SLC12A7: variants seen among roughly 807,000 people sequenced by gnomAD.
The protein encoded by SLC12A7 is K-Cl cotransporter 4.
In SLC12A7, 100 loss-of-function variants were observed where a neutral mutation model predicts 120.6. The ratio of observed to expected loss-of-function variants is 0.83; its 90% confidence interval spans 0.71 to 0.98. SLC12A7 has a LOEUF of 0.98. SLC12A7 is among the 50% of genes least tolerant of loss of function. The pLI is 0.00. For synonymous variants in SLC12A7, 760 were observed against 678.0 expected (o/e 1.12, Z -1.88); for missense variants, 1,373 against 1,548.1 (o/e 0.89, Z 1.90).
chr5:1,148,553 C>T, the SLC12A7 span, among the ~76,000 whole-genome samples: 1 of 152,198 alleles, frequency 6.6e-6, no homozygotes, highest in Admixed American at 6.5e-5. Flanking sequence ...CATGTACTAT[C>T]AAAATGTTAT....
At chr5:1,061,937 C>CT (rs1425835111) in intron 20 of SLC12A7, among the ~76,000 whole-genome samples, 1 of 152,116 alleles carries the variant, frequency 6.6e-6, no homozygotes, top group South Asian at 2.1e-4. Flanking sequence ...TGTCTCAAAA[C>CT]TTTTTTTAAA....
chr5:1,112,757 GCC>G (rs1743138641), upstream of SLC12A7, among the ~76,000 whole-genome samples: 1 of 144,226 alleles, frequency 6.9e-6, no homozygotes, highest in African/African-American at 2.6e-5. Flanking sequence ...CTCCTGGCTA[GCC>G]CAACCTGGCT....
rs776850305 is a variant in SLC12A7, at chr5:1,065,401, G to A, written c.2319C>T (p.Gly773=). 119 of 1,612,518 alleles carry A rather than the reference G, an allele frequency of 7.4e-5. 2 individuals carry two copies. In the Admixed American group the frequency reaches 1.9e-3, roughly 25 times the overall value. Residue 773 remains glycine, a synonymous_variant, in exon 18 of 24, where the codon GGC becomes GGT. Coordinates refer to ENST00000264930, the MANE Select transcript of SLC12A7 (RefSeq NM_006598.3). ...CGGCCGACTGGATCAGGTGGGACAT[G>A]CCATCCCGCAGGCTGGACGAGACCA... ...QLVVSSSLRD[G]MSHLIQSAGL... is the part of the protein sequence containing the mutation.
At chr5:1,058,881 G>T (rs1207181580) in intron 21 of SLC12A7, among the ~76,000 whole-genome samples, 1 of 35,846 alleles carries the variant, frequency 2.8e-5, no homozygotes, top group Non-Finnish European at 8.9e-5. Flanking sequence ...CTGCACAGCA[G>T]CTCATCCAAA....
intron 16 of SLC12A7, among the ~76,000 whole-genome samples, 169 bp from the exon 17 acceptor site, chr5:1,073,970 C>G (rs372457562): frequency 6.6e-6 from 1 of 152,018 alleles, no homozygotes; most frequent in African/African-American, 2.4e-5. Flanking sequence ...GATGGGGAAA[C>G]GTGACACACG....
At chr5:1,112,177 A>C (rs1207986218), upstream of SLC12A7, 259 of 624,046 alleles carry the variant, frequency 4.2e-4, 5 homozygotes, top group East Asian at 0.01. Context: ...TCCTGCAGGG[A>C]CCCCAACCCA....
rs115702923 is a variant in SLC12A7, at chr5:1,068,780, C to T, written c.2242-3302G>A. ...CCGTTAACGTGAGAGTATAAGTGAG[C>T]GCAGCTCTTCCCATGGCCGTGAAGA... On this transcript the variant is annotated intron_variant, in intron 17 of 23. Coordinates refer to ENST00000264930, the MANE Select transcript of SLC12A7 (RefSeq NM_006598.3). Among the ~76,000 whole-genome samples the T allele has an allele frequency of 6.0e-3, 920 of 152,360 alleles. 10 individuals carry two copies. Among genetic ancestry groups the T allele is most frequent in the African/African-American group, 0.021 (863 of 41,586 alleles).
In SLC12A7 at chr5:1,064,121, T is replaced by C. The variant is rs772093101; in HGVS notation, c.2569A>G (p.Met857Val). 6.2e-7 allele frequency: 1 copy of C among 1,610,212 alleles called. No homozygotes were observed. The highest frequency in any genetic ancestry group is 8.5e-7 in the Non-Finnish European group (1 of 1,178,372). The change falls in exon 19 of 24, where the codon ATG becomes GTG. Residue 857 changes from methionine to valine, a missense_variant. Met to Val is a conservative substitution (Grantham distance 21). Transcript: ENST00000264930. ...DVWWIVHDGG[M>V]LMLLPFLLRQ... ...AGCAGGAAGGGCAGCAGCATGAGCA[T>C]GCCGCCGTCGTGCACGATCCACCAC...
chr5:1,060,483 G>C (rs746241806), intron 20 of SLC12A7, 32 bp from the exon 21 acceptor site: 6 of 1,531,398 alleles, frequency 3.9e-6, no homozygotes, highest in Non-Finnish European at 4.5e-6. Context: ...AGTAAGCCCG[G>C]TGTGCACAGA....
rs1271266859 is a variant in SLC12A7, at chr5:1,057,465, A to T, written c.3026+6T>A. On this transcript the variant is annotated splice_donor_region_variant and intron_variant, in intron 22 of 23. Coordinates refer to ENST00000264930, the MANE Select transcript of SLC12A7 (RefSeq NM_006598.3). ...TTCCCCCCAGGCCACACGCACGGAC[A>T]CTCACGGCTTCATGCTGAAGAGGTC... The T allele has an allele frequency of 6.2e-7, 1 of 1,607,106 alleles. No homozygotes were observed. Among genetic ancestry groups the T allele is most frequent in the South Asian group, 1.1e-5 (1 of 90,402 alleles).
intron 10 of SLC12A7, 88 bp from the exon 11 acceptor site, chr5:1,078,846 G>GGGGGGGGGGGGGGGC: frequency 2.4e-6 from 1 of 415,106 alleles, no homozygotes; most frequent in Non-Finnish European, 4.9e-6. Flanking sequence ...GGTGGGTGGG[G>GGGGGGGGGGGGGGGC]AGATGCACTG....
chr5:1,133,629 G>C, the SLC12A7 span, among the ~76,000 whole-genome samples: 1 of 152,208 alleles, frequency 6.6e-6, no homozygotes, highest in Non-Finnish European at 1.5e-5. Context: ...TTGCTGGCCG[G>C]CATGCTTGCT....
At chr5:1,154,390 C>CACACACAG in the SLC12A7 span, among the ~76,000 whole-genome samples, 16 of 151,278 alleles carry the variant, frequency 1.1e-4, no homozygotes, top group African/African-American at 2.4e-4. Context: ...CACACACACA[C>CACACACAG]AGAGACACAT....
chr5:1,086,838 G>A (rs112213689), intron 6 of SLC12A7, 65 bp downstream of exon 6: 1 of 1,586,438 alleles, frequency 6.3e-7, no homozygotes, highest in Non-Finnish European at 8.6e-7. Context: ...AGTGGGTCAG[G>A]CAGGGCCCCT....
chr5:1,131,700 C>A, the SLC12A7 span, among the ~76,000 whole-genome samples: 1 of 152,336 alleles, frequency 6.6e-6, no homozygotes, highest in East Asian at 1.9e-4. Context: ...TCAGGCCAAT[C>A]CCCAGAGCCT....
At chr5:1,085,535 C>T in intron 6 of SLC12A7, 62 bp from the exon 7 acceptor site, 1 of 1,503,018 alleles carries the variant, frequency 6.7e-7, no homozygotes, top group Admixed American at 2.0e-5. Flanking sequence ...GCCCGTCCCT[C>T]CCGCAAGCCC....
intron 1 of SLC12A7, among the ~76,000 whole-genome samples, chr5:1,106,587 T>TG (rs949606036): frequency 2.0e-5 from 3 of 151,978 alleles, no homozygotes; most frequent in African/African-American, 4.8e-5. Flanking sequence ...CCTTCACAGC[T>TG]GGGGGGTCAC....
the SLC12A7 span, among the ~76,000 whole-genome samples, chr5:1,131,089 T>C: frequency 6.6e-6 from 1 of 151,960 alleles, no homozygotes; most frequent in Non-Finnish European, 1.5e-5. Context: ...GGAGGCCTAA[T>C]CAAAGCAAAA....
At chr5:1,142,227 G>A in the SLC12A7 span, among the ~76,000 whole-genome samples, 1 of 148,654 alleles carries the variant, frequency 6.7e-6, no homozygotes, top group Admixed American at 6.6e-5. Flanking sequence ...TATAAGCCCT[G>A]GTGCCCCCAT....
Sources: allele counts gnomAD v4.1 joint callset (sites outside exome capture counted in the v4.1 genomes callset), GRCh38; gene constraint gnomAD v4.1.1; transcripts MANE v1.5; gene names NCBI Gene and HGNC (gene_info 2026-07-23, HGNC 2026-07-21).